PDZRN4: variants seen among roughly 807,000 people sequenced by gnomAD.
The protein encoded by PDZRN4 is PDZ domain-containing RING finger protein 4.
In PDZRN4, 70 loss-of-function variants were observed where a neutral mutation model predicts 99.0. The observed-to-expected ratio is 0.71, with a 90% confidence interval of 0.58 to 0.86. The LOEUF (loss-of-function observed/expected upper bound fraction) is 0.86. Ranked by LOEUF, PDZRN4 falls within the 40% of genes least tolerant of loss-of-function variation. The pLI is 0.00. For synonymous variants in PDZRN4, 551 were observed against 501.6 expected, an observed-to-expected ratio of 1.10 and a Z score of -1.32; for missense variants, 1,474 against 1,331.2, an observed-to-expected ratio of 1.11 and a Z score of -1.67.
chr12:41,516,884 A>T (rs1432064074), intron 5 of PDZRN4, among the ~76,000 whole-genome samples: 1 of 151,948 alleles, frequency 6.6e-6, no homozygotes, highest in Non-Finnish European at 1.5e-5. Flanking sequence ...ATGTTGTATA[A>T]TCCTAACATT....
chr12:41,513,326 T>C (rs545142974), intron 5 of PDZRN4, among the ~76,000 whole-genome samples: 4 of 152,134 alleles, frequency 2.6e-5, no homozygotes, highest in African/African-American at 9.6e-5. Context: ...CACCCATATC[T>C]CACCATGACC....
At chr12:41,475,121 G>A (rs1435130734) in intron 3 of PDZRN4, among the ~76,000 whole-genome samples, 1 of 152,042 alleles carries the variant, frequency 6.6e-6, no homozygotes, top group Middle Eastern at 3.2e-3. Flanking sequence ...TGATTTCTAG[G>A]TTCTCTCATC....
intron 3 of PDZRN4, among the ~76,000 whole-genome samples, chr12:41,295,671 A>G (rs1014682028): frequency 2.0e-5 from 3 of 152,188 alleles, no homozygotes; most frequent in African/African-American, 7.2e-5. Context: ...ATAAGCTCAT[A>G]TGAATGTGAT....
At chr12:41,455,314 G>A (rs1375520225) in intron 3 of PDZRN4, among the ~76,000 whole-genome samples, 1 of 152,122 alleles carries the variant, frequency 6.6e-6, no homozygotes, top group African/African-American at 2.4e-5. Context: ...CCCTTAGATA[G>A]CAGCATTTAG....
At chr12:41,333,899 G>T (rs915707855) in intron 3 of PDZRN4, among the ~76,000 whole-genome samples, 11 of 151,990 alleles carry the variant, frequency 7.2e-5, no homozygotes, top group Non-Finnish European at 1.5e-4. Flanking sequence ...CTTTTCATAC[G>T]CAGTTATTTT....
intron 3 of PDZRN4, among the ~76,000 whole-genome samples, chr12:41,469,900 A>G (rs527756848): frequency 6.6e-6 from 1 of 152,310 alleles, no homozygotes; most frequent in East Asian, 1.9e-4. Context: ...ACTGCACTCC[A>G]GCCTGGGTGA....
At chr12:41,435,559 C>T (rs551620433) in intron 3 of PDZRN4, among the ~76,000 whole-genome samples, 1 of 152,294 alleles carries the variant, frequency 6.6e-6, no homozygotes, top group East Asian at 1.9e-4. Flanking sequence ...GAGGCCGAAG[C>T]AGGCAGATCA....
chr12:41,197,163 G>T (rs1950778819), intron 3 of PDZRN4, among the ~76,000 whole-genome samples: 1 of 151,936 alleles, frequency 6.6e-6, no homozygotes, highest in Non-Finnish European at 1.5e-5. Flanking sequence ...TTTATGAATT[G>T]TTTTTAAAAA....
chr12:41,368,887 T>G (rs1412292492), intron 3 of PDZRN4, among the ~76,000 whole-genome samples: 2 of 152,070 alleles, frequency 1.3e-5, no homozygotes, highest in African/African-American at 2.4e-5. Flanking sequence ...ACGTTTCTTA[T>G]GGGTGCCTCC....
chr12:41,431,717 G>T (rs1213829365), intron 3 of PDZRN4, among the ~76,000 whole-genome samples: 2 of 152,126 alleles, frequency 1.3e-5, no homozygotes, highest in African/African-American at 4.8e-5. Context: ...TTCATAAGTT[G>T]GTGAGGCACT....
At chr12:41,425,446 A>C (rs1952527452) in intron 3 of PDZRN4, among the ~76,000 whole-genome samples, 2 of 152,136 alleles carry the variant, frequency 1.3e-5, no homozygotes, top group Admixed American at 1.3e-4. Context: ...TCCCAGGAAC[A>C]ACTGGACAAT....
At chr12:41,263,057 C>T (rs994213985) in intron 3 of PDZRN4, among the ~76,000 whole-genome samples, 2 of 151,968 alleles carry the variant, frequency 1.3e-5, no homozygotes, top group Admixed American at 1.3e-4. Flanking sequence ...CTTAAGGTAA[C>T]TTCAGTGATT....
At chr12:41,273,984 A>T (rs997682968) in intron 3 of PDZRN4, among the ~76,000 whole-genome samples, 1 of 152,076 alleles carries the variant, frequency 6.6e-6, no homozygotes, top group African/African-American at 2.4e-5. Flanking sequence ...TATGGGGTTC[A>T]TTTTGTCTTT....
At chr12:41,484,821 G>A (rs910341262) in intron 3 of PDZRN4, among the ~76,000 whole-genome samples, 10 of 152,100 alleles carry the variant, frequency 6.6e-5, no homozygotes, top group Non-Finnish European at 1.5e-4. Context: ...GCATGTTGAC[G>A]TTTTCCCTCA....
intron 3 of PDZRN4, among the ~76,000 whole-genome samples, chr12:41,392,902 G>A (rs1952219561): frequency 6.6e-6 from 1 of 152,112 alleles, no homozygotes. Flanking sequence ...AAGAATCAAA[G>A]CAATGCTCTT....
At chr12:41,452,449 AAAAG>A (rs374519508) in intron 3 of PDZRN4, among the ~76,000 whole-genome samples, 9 of 141,772 alleles carry the variant, frequency 6.3e-5, no homozygotes, top group Non-Finnish European at 1.2e-4. Flanking sequence ...AAAAAAAAAA[AAAAG>A]AAAGAAAGAA....
chr12:41,250,204 C>G (rs745785478), intron 3 of PDZRN4, among the ~76,000 whole-genome samples: 5 of 152,156 alleles, frequency 3.3e-5, no homozygotes, highest in Non-Finnish European at 7.4e-5. Context: ...GTCTGTACTT[C>G]TGGTTCATTC....
chr12:41,408,478 C>T (rs1250738560), intron 3 of PDZRN4, among the ~76,000 whole-genome samples: 2 of 152,048 alleles, frequency 1.3e-5, no homozygotes, highest in Non-Finnish European at 2.9e-5. Flanking sequence ...AAAACATCAT[C>T]ATTTTCAACA....
At chr12:41,324,343 A>G (rs535270596) in intron 3 of PDZRN4, among the ~76,000 whole-genome samples, 2 of 152,236 alleles carry the variant, frequency 1.3e-5, no homozygotes, top group East Asian at 3.9e-4. Context: ...ATCAGGAAAG[A>G]GATTACTGTT....
Sources: gnomAD v4.1 joint callset for allele counts (sites outside exome capture counted in the v4.1 genomes callset) on GRCh38, gnomAD v4.1.1 for gene constraint, MANE v1.5 for transcripts, NCBI Gene and HGNC (gene_info 2026-07-23, HGNC 2026-07-21) for gene names.